The following PPP1R9A variants were observed in gnomAD, a reference collection of about 807,000 sequenced individuals.
PPP1R9A encodes protein phosphatase 1 regulatory subunit 9A.
A neutral mutation model predicts 141.9 loss-of-function variants in PPP1R9A; 59 were observed. The observed-to-expected ratio is 0.42, with a 90% CI of 0.34 to 0.52. PPP1R9A has a LOEUF of 0.52. PPP1R9A is among the 20% of genes least tolerant of loss of function. The pLI, the probability that PPP1R9A is intolerant of heterozygous loss-of-function variation, is 0.10. For missense variants in PPP1R9A, 1,444 were observed against 1,611.9 expected (o/e 0.90, Z 1.78); for synonymous variants, 500 against 569.7 (o/e 0.88, Z 1.74).
intron 16 of PPP1R9A, among the ~76,000 whole-genome samples, chr7:95,281,081 A>G (rs1804136535): frequency 6.6e-6 from 1 of 152,116 alleles, no homozygotes; most frequent in Non-Finnish European, 1.5e-5. Flanking sequence ...TCGTTTTTTA[A>G]ATGAATGTTC....
intron 4 of PPP1R9A, among the ~76,000 whole-genome samples, chr7:95,152,939 C>T (rs1828973145): frequency 6.6e-6 from 1 of 151,062 alleles, no homozygotes; most frequent in South Asian, 2.1e-4. Context: ...ACCTTCACCT[C>T]CTGGGTTCAA....
intron 8 of PPP1R9A, among the ~76,000 whole-genome samples, chr7:95,238,160 G>A (rs1434120594): frequency 2.0e-5 from 3 of 152,014 alleles, no homozygotes; most frequent in Non-Finnish European, 2.9e-5. Flanking sequence ...TGTATTTCAG[G>A]AGTTTTAGTT....
intron 7 of PPP1R9A, among the ~76,000 whole-genome samples, chr7:95,219,898 C>T (rs1189837093): frequency 6.6e-6 from 1 of 151,966 alleles, no homozygotes; most frequent in Non-Finnish European, 1.5e-5. Flanking sequence ...TTTTTTGTTG[C>T]ATTAGTTTAT....
At chr7:95,279,021 A>G (rs776498922) in intron 16 of PPP1R9A, among the ~76,000 whole-genome samples, 5 of 152,178 alleles carry the variant, frequency 3.3e-5, no homozygotes, top group Non-Finnish European at 7.3e-5. Flanking sequence ...AAAAATGTCT[A>G]TTGTTATCAT....
At chr7:95,126,897 T>C (rs1275836128) in intron 4 of PPP1R9A, among the ~76,000 whole-genome samples, 1 of 152,180 alleles carries the variant, frequency 6.6e-6, no homozygotes, top group Non-Finnish European at 1.5e-5. Flanking sequence ...TGCTGGCTCA[T>C]GTTCTAGGGA....
At chr7:94,920,240 G>A (rs113081880) in intron 2 of PPP1R9A, among the ~76,000 whole-genome samples, 3 of 152,276 alleles carry the variant, frequency 2.0e-5, no homozygotes, top group African/African-American at 7.2e-5. Context: ...AAAACACCCT[G>A]CTGAGGAAAC....
intron 2 of PPP1R9A, among the ~76,000 whole-genome samples, chr7:95,095,669 G>A (rs963785761): frequency 1.4e-4 from 21 of 152,180 alleles, no homozygotes; most frequent in African/African-American, 4.6e-4. Flanking sequence ...GGGACAATCT[G>A]TAAGGAAATG....
intron 16 of PPP1R9A, among the ~76,000 whole-genome samples, chr7:95,283,570 A>G (rs1408448744): frequency 6.6e-6 from 1 of 152,182 alleles, no homozygotes; most frequent in Non-Finnish European, 1.5e-5. Flanking sequence ...AATTATTTAA[A>G]TATATCATTT....
At chr7:95,262,667 A>G (rs1157671154) in intron 12 of PPP1R9A, among the ~76,000 whole-genome samples, 1 of 152,188 alleles carries the variant, frequency 6.6e-6, no homozygotes, top group Non-Finnish European at 1.5e-5. Context: ...AGGGTATATT[A>G]GATATCAGAT....
chr7:95,188,191 T>G (rs1428055802), intron 5 of PPP1R9A, among the ~76,000 whole-genome samples: 1 of 152,208 alleles, frequency 6.6e-6, no homozygotes, highest in Non-Finnish European at 1.5e-5. Flanking sequence ...TATTTAGGAT[T>G]GTGATATTTT....
At chr7:95,149,986 G>T (rs1828357724) in intron 4 of PPP1R9A, among the ~76,000 whole-genome samples, 1 of 152,016 alleles carries the variant, frequency 6.6e-6, no homozygotes, top group African/African-American at 2.4e-5. Context: ...AAGACTGTGT[G>T]GTACTGGCAA....
chr7:95,069,494 A>G (rs1813460470), intron 2 of PPP1R9A, among the ~76,000 whole-genome samples: 1 of 152,002 alleles, frequency 6.6e-6, no homozygotes, highest in Admixed American at 6.6e-5. Context: ...GAGAGAAGAA[A>G]GGAAAAATCA....
At position 95,078,289 on chromosome 7, in the gene PPP1R9A, G is replaced by C. The variant is rs529191190; in HGVS notation, c.1396-32970G>C. Among the ~76,000 whole-genome samples the C allele has an allele frequency of 1.3e-3, 193 of 151,846 alleles. 1 individual carries two copies. Among genetic ancestry groups the C allele is most frequent in the Non-Finnish European group, 2.5e-3 (169 of 67,964 alleles). ...AATGATGATTTCCAATTTCATCCATGTCCCTACAAAGGACATGAACTCATC... is the reference window on the plus strand; with the variant it reads ...AATGATGATTTCCAATTTCATCCATCTCCCTACAAAGGACATGAACTCATC... On this transcript the variant is annotated intron_variant, in intron 2 of 19. Coordinates refer to ENST00000433360, the MANE Select transcript of PPP1R9A (RefSeq NM_001166160.2).
intron 2 of PPP1R9A, among the ~76,000 whole-genome samples, chr7:94,972,947 A>G (rs927139891): frequency 2.0e-5 from 3 of 152,202 alleles, no homozygotes; most frequent in African/African-American, 2.4e-5. Flanking sequence ...TTTCCATTCC[A>G]TAACAGTTAT....
chr7:94,919,238 TCCTGCCCCAG>T (rs1792465844), intron 2 of PPP1R9A, among the ~76,000 whole-genome samples: 2 of 151,868 alleles, frequency 1.3e-5, no homozygotes, highest in Admixed American at 1.3e-4. Flanking sequence ...CAAGGGATCT[TCCTGCCCCAG>T]CCTCCCAAGT....
chr7:95,006,985 C>T (rs1453190285), intron 2 of PPP1R9A, among the ~76,000 whole-genome samples: 2 of 152,104 alleles, frequency 1.3e-5, no homozygotes, highest in African/African-American at 4.8e-5. Flanking sequence ...GCCTCAGCCT[C>T]CTAAGTAGCT....
In PPP1R9A at chr7:94,980,149, A is replaced by G. The variant is rs191193892; in HGVS notation, c.1395+68641A>G. Reference sequence around the variant, plus strand: ...ACTGGAAGAAGAATCGCCTTGGGCCACACATGAAATATACTAACAATAGCT... The same window carrying G: ...ACTGGAAGAAGAATCGCCTTGGGCCGCACATGAAATATACTAACAATAGCT... On this transcript the variant is annotated intron_variant, in intron 2 of 19. Transcript: ENST00000433360. Among the ~76,000 whole-genome samples, 955 of 150,780 alleles carry G rather than the reference A, an allele frequency of 6.3e-3. 13 individuals carry two copies. Among genetic ancestry groups the G allele is most frequent in the African/African-American group, 0.022 (911 of 41,004 alleles).
intron 2 of PPP1R9A, among the ~76,000 whole-genome samples, chr7:95,099,066 A>G (rs1362843976): frequency 6.6e-6 from 1 of 152,178 alleles, no homozygotes; most frequent in Admixed American, 6.5e-5. Flanking sequence ...TATTTAGACA[A>G]TTTAGACTAA....
At chr7:95,026,887 G>A (rs535468684) in intron 2 of PPP1R9A, among the ~76,000 whole-genome samples, 1 of 152,226 alleles carries the variant, frequency 6.6e-6, no homozygotes, top group South Asian at 2.1e-4. Flanking sequence ...ACACTGTGAG[G>A]GGAAAACCAC....
Sources: gnomAD v4.1 joint callset for allele counts (sites outside exome capture counted in the v4.1 genomes callset) on GRCh38, gnomAD v4.1.1 for gene constraint, MANE v1.5 for transcripts, NCBI Gene and HGNC (gene_info 2026-07-23, HGNC 2026-07-21) for gene names.